The following GRID2 variants were observed in gnomAD, a reference collection of about 807,000 sequenced individuals.
The protein encoded by GRID2 is glutamate receptor ionotropic, delta-2.
A neutral mutation model predicts 114.8 loss-of-function variants in GRID2; 33 were observed. The ratio of observed to expected loss-of-function variants is 0.29; its 90% CI spans 0.22 to 0.38. GRID2 has a LOEUF of 0.38. GRID2 is among the 10% of genes least tolerant of loss of function. The pLI, the probability that GRID2 is intolerant of heterozygous loss-of-function variation, is 1.00. For synonymous variants in GRID2, 505 were observed against 449.9 expected, an observed-to-expected ratio of 1.12 and a Z score of -1.55; for missense variants, 1,184 against 1,257.7, an observed-to-expected ratio of 0.94 and a Z score of 0.89.
intron 1 of GRID2, among the ~76,000 whole-genome samples, chr4:92,448,479 A>AT (rs1733585616): frequency 6.6e-6 from 1 of 152,182 alleles, no homozygotes; most frequent in East Asian, 1.9e-4. Context: ...AGTAGTATTG[A>AT]TTTTTAAAGT....
chr4:93,600,306 T>C (rs879911707), intron 13 of GRID2, among the ~76,000 whole-genome samples: 8 of 152,082 alleles, frequency 5.3e-5, no homozygotes, highest in Non-Finnish European at 7.4e-5. Flanking sequence ...GGAGAAAATA[T>C]TTACCACACA....
intron 8 of GRID2, among the ~76,000 whole-genome samples, chr4:93,278,636 C>T (rs1026806285): frequency 4.4e-4 from 67 of 151,534 alleles, no homozygotes; most frequent in African/African-American, 1.6e-3. Context: ...AATGAATACA[C>T]AAAAAAGATT....
intron 2 of GRID2, among the ~76,000 whole-genome samples, chr4:92,596,687 A>G (rs1728969972): frequency 6.6e-6 from 1 of 151,552 alleles, no homozygotes; most frequent in Non-Finnish European, 1.5e-5. Flanking sequence ...CAACACCAAT[A>G]TGCATTAAGA....
At chr4:93,277,428 C>A (rs1313616733) in intron 8 of GRID2, among the ~76,000 whole-genome samples, 3 of 151,714 alleles carry the variant, frequency 2.0e-5, no homozygotes, top group Admixed American at 6.6e-5. Context: ...AATTTTATAT[C>A]AAAAATCACA....
chr4:92,628,707 G>C (rs1316204896), intron 2 of GRID2, among the ~76,000 whole-genome samples: 1 of 151,968 alleles, frequency 6.6e-6, no homozygotes, highest in Non-Finnish European at 1.5e-5. Flanking sequence ...TTTCATCCAT[G>C]CCTGCACCCA....
At chr4:93,328,710 G>GATGGATGC (rs1207218040) in intron 8 of GRID2, among the ~76,000 whole-genome samples, 2 of 123,820 alleles carry the variant, frequency 1.6e-5, no homozygotes, top group Non-Finnish European at 3.8e-5. Context: ...TGGATGGTTG[G>GATGGATGC]ATGGATGGAT....
At chr4:93,318,023 T>TATATATATA (rs1560493013) in intron 8 of GRID2, among the ~76,000 whole-genome samples, 1 of 70,810 alleles carries the variant, frequency 1.4e-5, no homozygotes, top group Admixed American at 1.6e-4. Context: ...ATATATATAT[T>TATATATATA]ACTACTTTCT....
At chr4:92,353,908 C>A (rs1391895883) in intron 1 of GRID2, among the ~76,000 whole-genome samples, 1 of 152,030 alleles carries the variant, frequency 6.6e-6, no homozygotes, top group Non-Finnish European at 1.5e-5. Context: ...TCTGCCAAAG[C>A]CTTAAGCTGT....
intron 2 of GRID2, among the ~76,000 whole-genome samples, chr4:92,611,392 C>A (rs929477495): frequency 2.0e-5 from 3 of 151,306 alleles, no homozygotes; most frequent in African/African-American, 7.3e-5. Context: ...GTGCTCAAGC[C>A]CTCTGATTTC....
At chr4:92,441,690 G>T (rs1234943232) in intron 1 of GRID2, among the ~76,000 whole-genome samples, 3 of 152,072 alleles carry the variant, frequency 2.0e-5, no homozygotes, top group African/African-American at 4.8e-5. Flanking sequence ...TCTTTTTAAA[G>T]CGTGCTGAGG....
At chr4:92,932,932 G>A (rs1260249982) in intron 2 of GRID2, among the ~76,000 whole-genome samples, 1 of 151,112 alleles carries the variant, frequency 6.6e-6, no homozygotes, top group African/African-American at 2.4e-5. Flanking sequence ...GGGTAGAAGT[G>A]GGAATGATTG....
At chr4:92,662,096 A>G (rs539195721) in intron 2 of GRID2, among the ~76,000 whole-genome samples, 1 of 151,164 alleles carries the variant, frequency 6.6e-6, no homozygotes, top group Admixed American at 6.6e-5. Context: ...ATGAAGCCCT[A>G]AGCCCTTCTC....
intron 2 of GRID2, among the ~76,000 whole-genome samples, chr4:92,641,543 G>A (rs1731351317): frequency 6.6e-6 from 1 of 151,456 alleles, no homozygotes; most frequent in South Asian, 2.1e-4. Context: ...GATGAGAAGG[G>A]GAAGATATTG....
At chr4:92,455,190 T>C (rs553211914) in intron 1 of GRID2, among the ~76,000 whole-genome samples, 1 of 152,186 alleles carries the variant, frequency 6.6e-6, no homozygotes, top group Non-Finnish European at 1.5e-5. Context: ...ACTTCTAATT[T>C]TATTTATTTT....
Position 93,067,619 on chromosome 4 carries a change from A to G in GRID2, c.245-17376A>G, listed in dbSNP as rs1224902186. 2.0e-5 allele frequency among the ~76,000 whole-genome samples: 3 copies of G among 152,038 alleles called. No homozygotes were observed. In the East Asian group the frequency reaches 5.8e-4, roughly 29 times the overall value. On this transcript the variant is annotated intron_variant, in intron 2 of 15. Coordinates refer to ENST00000282020, the MANE Select transcript of GRID2 (RefSeq NM_001510.4). ...ATTTGGGGGGAACACATACATTCAG[A>G]CCATAGCACTTATGATTACCCTATT...
chr4:93,596,061 GA>G (rs1354033316), intron 13 of GRID2, among the ~76,000 whole-genome samples: 1 of 152,126 alleles, frequency 6.6e-6, no homozygotes, highest in Admixed American at 6.5e-5. Context: ...AACTGGGTTC[GA>G]AATGAGATCT....
rs530715402 is a variant in GRID2 at position 93,729,042 on chromosome 4, G to T, written c.2361-40168G>T. ...GATCCTAACATTATGATGTCAGCTG[G>T]TTATTTTGCTCGTTAGTTGATGCAG... On this transcript the variant is annotated intron_variant, in intron 14 of 15. Transcript: ENST00000282020. Among the ~76,000 whole-genome samples the T allele has an allele frequency of 5.3e-5, 8 of 152,232 alleles. No individual in the cohort carries two copies. In the South Asian group the frequency reaches 1.5e-3, roughly 28 times the overall value.
chr4:93,257,490 TATAC>T (rs1749725383), intron 8 of GRID2, among the ~76,000 whole-genome samples: 1 of 151,714 alleles, frequency 6.6e-6, no homozygotes, highest in Admixed American at 6.6e-5. Context: ...TCATTTTCCT[TATAC>T]AGACTATTAA....
intron 2 of GRID2, among the ~76,000 whole-genome samples, chr4:92,745,801 A>G (rs1237073617): frequency 6.6e-6 from 1 of 152,138 alleles, no homozygotes; most frequent in Non-Finnish European, 1.5e-5. Flanking sequence ...ATATTTAAAT[A>G]CAAAAAGACC....
Sources: gnomAD v4.1 joint callset for allele counts (sites outside exome capture counted in the v4.1 genomes callset) on GRCh38, gnomAD v4.1.1 for gene constraint, MANE v1.5 for transcripts, NCBI Gene and HGNC (gene_info 2026-07-23, HGNC 2026-07-21) for gene names.